ST6GALNAC3: variants seen among roughly 807,000 people sequenced by gnomAD.
ST6GALNAC3 encodes ST6 N-acetylgalactosaminide alpha-2,6-sialyltransferase 3.
ST6GALNAC3 carries 25 observed loss-of-function variants against 32.7 expected under a neutral mutation model. The observed-to-expected ratio is 0.76, with a 90% CI of 0.56 to 1.07. The LOEUF (loss-of-function observed/expected upper bound fraction) is 1.07. ST6GALNAC3 is among the 50% of genes least tolerant of loss of function. The pLI, the probability that ST6GALNAC3 is intolerant of heterozygous loss-of-function variation, is 0.00. For synonymous variants in ST6GALNAC3, 129 were observed against 133.1 expected (o/e 0.97, Z 0.21); for missense variants, 355 against 382.4 (o/e 0.93, Z 0.60).
At chr1:76,263,571 T>G (rs966208854) in intron 1 of ST6GALNAC3, among the ~76,000 whole-genome samples, 1 of 152,174 alleles carries the variant, frequency 6.6e-6, no homozygotes, top group Admixed American at 6.6e-5. Flanking sequence ...TTGAGATGTG[T>G]AATATTGAAG....
Position 76,453,662 on chromosome 1 carries a change from T to A in ST6GALNAC3, c.623+41245T>A, listed in dbSNP as rs77525970. ...GAGAGTGCTTGATATAATTTCAATTTTCTTAAATTTATTGAAACTTGTTTT... is the reference window on the plus strand; with the variant it reads ...GAGAGTGCTTGATATAATTTCAATTATCTTAAATTTATTGAAACTTGTTTT... On this transcript the variant is annotated intron_variant, in intron 3 of 4. Coordinates refer to ENST00000328299, the MANE Select transcript of ST6GALNAC3 (RefSeq NM_152996.4). Among the ~76,000 whole-genome samples the A allele has an allele frequency of 4.0e-3, 605 of 152,298 alleles. 4 individuals carry two copies. Among genetic ancestry groups the A allele is most frequent in the East Asian group, 0.036 (186 of 5,186 alleles).
intron 3 of ST6GALNAC3, among the ~76,000 whole-genome samples, chr1:76,527,688 T>C (rs1002199591): frequency 1.3e-5 from 2 of 152,062 alleles, no homozygotes; most frequent in African/African-American, 4.8e-5. Context: ...TGAGAAATCA[T>C]TCTTCTAGGT....
At chr1:76,490,449 T>G (rs892838152) in intron 3 of ST6GALNAC3, among the ~76,000 whole-genome samples, 3 of 149,010 alleles carry the variant, frequency 2.0e-5, no homozygotes, top group Non-Finnish European at 4.5e-5. Context: ...TATACTTATA[T>G]GTTATATATT....
At chr1:76,245,029 T>A (rs1657180850) in intron 1 of ST6GALNAC3, among the ~76,000 whole-genome samples, 2 of 152,302 alleles carry the variant, frequency 1.3e-5, no homozygotes, top group South Asian at 4.2e-4. Flanking sequence ...TCTTTGTACC[T>A]CTGATAGAAT....
At chr1:76,246,389 G>A (rs1255645564) in intron 1 of ST6GALNAC3, among the ~76,000 whole-genome samples, 1 of 152,106 alleles carries the variant, frequency 6.6e-6, no homozygotes, top group Non-Finnish European at 1.5e-5. Context: ...TCTTTTAACT[G>A]GGGCACTTGG....
intron 3 of ST6GALNAC3, among the ~76,000 whole-genome samples, chr1:76,454,538 T>C (rs1454470826): frequency 1.3e-5 from 2 of 152,306 alleles, no homozygotes; most frequent in East Asian, 3.9e-4. Flanking sequence ...CCTTCATTTA[T>C]GAAGCTTAGT....
chr1:76,237,290 C>G (rs1284898386), intron 1 of ST6GALNAC3, among the ~76,000 whole-genome samples: 1 of 152,140 alleles, frequency 6.6e-6, no homozygotes, highest in African/African-American at 2.4e-5. Context: ...CCCGCCACCA[C>G]GCCGGGCTAA....
chr1:76,530,704 A>G (rs1013380545), intron 3 of ST6GALNAC3, among the ~76,000 whole-genome samples: 2 of 152,158 alleles, frequency 1.3e-5, no homozygotes, highest in Non-Finnish European at 2.9e-5. Context: ...TTGAAACTTA[A>G]AGGATCCTTA....
chr1:76,525,761 GTA>G (rs1357356431), intron 3 of ST6GALNAC3, among the ~76,000 whole-genome samples: 4 of 123,274 alleles, frequency 3.2e-5, no homozygotes, highest in Non-Finnish European at 7.2e-5. Flanking sequence ...GTATATATGT[GTA>G]TGTGTGTTTG....
At chr1:76,337,353 G>A (rs1647581003) in intron 2 of ST6GALNAC3, among the ~76,000 whole-genome samples, 1 of 152,216 alleles carries the variant, frequency 6.6e-6, no homozygotes, top group African/African-American at 2.4e-5. Flanking sequence ...GCAAACCGCG[G>A]AAGCTACTGT....
intron 3 of ST6GALNAC3, among the ~76,000 whole-genome samples, chr1:76,522,351 T>A (rs1317371033): frequency 6.6e-6 from 1 of 152,166 alleles, no homozygotes; most frequent in Non-Finnish European, 1.5e-5. Flanking sequence ...TTTGGAAATT[T>A]TTTTTGCCAT....
At chr1:76,576,716 C>T in intron 3 of ST6GALNAC3, 1 of 669,476 alleles carries the variant, frequency 1.5e-6, no homozygotes, top group Non-Finnish European at 2.3e-6. Context: ...AGAGGAAAAG[C>T]TCTGGGGAGC....
chr1:76,124,291 C>T (rs553938936), intron 1 of ST6GALNAC3, among the ~76,000 whole-genome samples: 9 of 152,000 alleles, frequency 5.9e-5, no homozygotes, highest in South Asian at 2.1e-4. Flanking sequence ...AGCTGAGTCC[C>T]GTTAGCATCC....
chr1:76,442,585 T>C (rs943241701), intron 3 of ST6GALNAC3, among the ~76,000 whole-genome samples: 5 of 152,178 alleles, frequency 3.3e-5, no homozygotes, highest in Non-Finnish European at 5.9e-5. Flanking sequence ...AGGTACTTCT[T>C]TTTCTCAATC....
intron 1 of ST6GALNAC3, among the ~76,000 whole-genome samples, chr1:76,133,963 A>G (rs1335388327): frequency 6.6e-6 from 1 of 152,210 alleles, no homozygotes; most frequent in Admixed American, 6.5e-5. Context: ...AACGACCCCA[A>G]TCCCAGCACT....
At chr1:76,185,159 A>G (rs1241996164) in intron 1 of ST6GALNAC3, among the ~76,000 whole-genome samples, 1 of 152,194 alleles carries the variant, frequency 6.6e-6, no homozygotes, top group Non-Finnish European at 1.5e-5. Context: ...CGAGACTCAA[A>G]TCTAGGACTG....
At chr1:76,092,219 A>G (rs766117183) in intron 1 of ST6GALNAC3, among the ~76,000 whole-genome samples, 3 of 152,180 alleles carry the variant, frequency 2.0e-5, no homozygotes, top group Non-Finnish European at 4.4e-5. Flanking sequence ...TTTTGGGTTT[A>G]TTTCTCTGAT....
At chr1:76,406,525 T>A (rs142486544) in intron 2 of ST6GALNAC3, among the ~76,000 whole-genome samples, 1 of 152,172 alleles carries the variant, frequency 6.6e-6, no homozygotes, top group Admixed American at 6.6e-5. Flanking sequence ...TATTTCAAGC[T>A]GAAAATATCA....
chr1:76,344,892 C>A (rs1336570048), intron 2 of ST6GALNAC3, among the ~76,000 whole-genome samples: 1 of 152,166 alleles, frequency 6.6e-6, no homozygotes, highest in African/African-American at 2.4e-5. Flanking sequence ...TTCTCTACTG[C>A]CCTGTTGGCG....
Sources: gnomAD v4.1 joint callset for allele counts (sites outside exome capture counted in the v4.1 genomes callset) on GRCh38, gnomAD v4.1.1 for gene constraint, MANE v1.5 for transcripts, NCBI Gene and HGNC (gene_info 2026-07-23, HGNC 2026-07-21) for gene names.